The following BMPR1A variants were observed in gnomAD, a reference collection of about 807,000 sequenced individuals.
BMPR1A encodes the protein bone morphogenetic protein receptor type 1A, also known as bone morphogenetic protein receptor type-1A.
In BMPR1A, 7 loss-of-function variants were observed where a neutral mutation model predicts 66.0. That is an observed-to-expected ratio of 0.11 (90% CI 0.06 to 0.20). BMPR1A has a LOEUF of 0.20. Ranked by LOEUF, BMPR1A falls within the 10% of genes least tolerant of loss-of-function variation. BMPR1A has a pLI of 1.00. For synonymous variants in BMPR1A, 200 were observed against 229.7 expected, an observed-to-expected ratio of 0.87 and a Z score of 1.17; for missense variants, 408 against 669.1, an observed-to-expected ratio of 0.61 and a Z score of 4.31.
chr10:86,846,526 C>T lies in BMPR1A; in HGVS notation c.-153+7547C>T, dbSNP rs187341908. Among the ~76,000 whole-genome samples the T allele has an allele frequency of 7.8e-3, 1,182 of 152,220 alleles. 8 individuals carry two copies. The highest frequency in any genetic ancestry group is 0.011 in the Non-Finnish European group (778 of 68,016). On this transcript the variant is annotated intron_variant, in intron 2 of 12. Transcript: ENST00000372037. ...CTCCAGGCTTCTGGTCTCTTATTTCCTTTTTGGACCCTTTTAATACAAAAA... is the reference window on the plus strand; with the variant it reads ...CTCCAGGCTTCTGGTCTCTTATTTCTTTTTTGGACCCTTTTAATACAAAAA...
At chr10:86,799,506 C>CTTCCTTCCTTCCTTCCT (rs1354339570) in intron 1 of BMPR1A, among the ~76,000 whole-genome samples, 2 of 64,478 alleles carry the variant, frequency 3.1e-5, no homozygotes, top group African/African-American at 8.4e-5. Context: ...TCCTTCCTTC[C>CTTCCTTCCTTCCTTCCT]TTTCTTTTCT....
chr10:86,846,190 G>A (rs1427182455), intron 2 of BMPR1A, among the ~76,000 whole-genome samples: 1 of 152,142 alleles, frequency 6.6e-6, no homozygotes, highest in Non-Finnish European at 1.5e-5. Context: ...CGCATCTGGA[G>A]TGTTGGTTCT....
At position 86,910,858 on chromosome 10, in the gene BMPR1A, C is replaced by G. The variant is rs371539308; in HGVS notation, c.531-1382C>G. Among the ~76,000 whole-genome samples, 9 of 152,168 alleles carry G rather than the reference C, an allele frequency of 5.9e-5. No individual in the cohort carries two copies. The East Asian group carries it at 1.2e-3, about 20-fold the overall frequency. ...CAGTGGGTCACACCTGTAATCTCAG[C>G]AGTTTGGGAGGCCAAAGCAGGAGGA... On this transcript the variant is annotated intron_variant, in intron 7 of 12. Coordinates refer to ENST00000372037, the MANE Select transcript of BMPR1A (RefSeq NM_004329.3).
chr10:86,813,626 A>G (rs1008670752), intron 1 of BMPR1A, among the ~76,000 whole-genome samples: 2 of 152,200 alleles, frequency 1.3e-5, no homozygotes, highest in African/African-American at 4.8e-5. Flanking sequence ...AGTTAAAACC[A>G]TTCTTTGCAT....
At chr10:86,854,491 A>T (rs182283048) in intron 2 of BMPR1A, among the ~76,000 whole-genome samples, 24 of 152,358 alleles carry the variant, frequency 1.6e-4, no homozygotes, top group Non-Finnish European at 2.9e-4. Flanking sequence ...AAAGACAGGC[A>T]TAAGAAATTA....
intron 2 of BMPR1A, among the ~76,000 whole-genome samples, chr10:86,845,216 A>G (rs1324435036): frequency 6.6e-6 from 1 of 152,230 alleles, no homozygotes; most frequent in Non-Finnish European, 1.5e-5. Context: ...AGCAGAAGTG[A>G]GAGAATGGGA....
At chr10:86,819,833 T>C (rs1373319473) in intron 1 of BMPR1A, among the ~76,000 whole-genome samples, 3 of 152,176 alleles carry the variant, frequency 2.0e-5, no homozygotes, top group Non-Finnish European at 4.4e-5. Flanking sequence ...ATGTTAACTG[T>C]GAATAATAAA....
At chr10:86,813,525 T>G (rs900417911) in intron 1 of BMPR1A, among the ~76,000 whole-genome samples, 6 of 152,242 alleles carry the variant, frequency 3.9e-5, no homozygotes, top group African/African-American at 1.4e-4. Flanking sequence ...TGTGGTAGAA[T>G]ATTTGATAAT....
Position 86,860,910 on chromosome 10 carries a change from C to T in BMPR1A, c.-152-14957C>T, listed in dbSNP as rs1250077854. ...AGGCTGGAGTGCAGTGGCATGATCT[C>T]GGCTCACTGCAAGCTCCACCTCCCG... On this transcript the variant is annotated intron_variant, in intron 2 of 12. Transcript: ENST00000372037. 5.5e-5 allele frequency among the ~76,000 whole-genome samples: 8 copies of T among 146,676 alleles called. No individual in the cohort carries two copies. The East Asian group carries it at 6.2e-4, about 11-fold the overall frequency.
chr10:86,794,844 A>T (rs1383498406), intron 1 of BMPR1A, among the ~76,000 whole-genome samples: 1 of 150,538 alleles, frequency 6.6e-6, no homozygotes, highest in Non-Finnish European at 1.5e-5. Flanking sequence ...AGATATATAG[A>T]TATAGATATA....
At chr10:86,855,336 A>G (rs540703489) in intron 2 of BMPR1A, 5 of 888,636 alleles carry the variant, frequency 5.6e-6, no homozygotes, top group East Asian at 2.8e-5. Flanking sequence ...GTAAGTTTCT[A>G]TTTGCCACTT....
At chr10:86,853,498 G>T (rs1272426747) in intron 2 of BMPR1A, among the ~76,000 whole-genome samples, 1 of 152,164 alleles carries the variant, frequency 6.6e-6, no homozygotes, top group Non-Finnish European at 1.5e-5. Context: ...AAGGCACAAT[G>T]ACTAAAGAAA....
intron 1 of BMPR1A, among the ~76,000 whole-genome samples, chr10:86,831,822 T>C (rs1342555514): frequency 6.6e-6 from 1 of 152,200 alleles, no homozygotes; most frequent in Non-Finnish European, 1.5e-5. Context: ...GGTGCATAGC[T>C]CATTTTACCT....
intron 7 of BMPR1A, among the ~76,000 whole-genome samples, chr10:86,909,599 G>GAAAAAAAAAAAAAAAAAAA (rs1217186207): frequency 7.4e-6 from 1 of 135,048 alleles, no homozygotes; most frequent in African/African-American, 3.2e-5. Context: ...AAAAAAAAAA[G>GAAAAAAAAAAAAAAAAAAA]AAAAAAAAGA....
At chr10:86,885,730 A>G (rs909448929) in intron 3 of BMPR1A, among the ~76,000 whole-genome samples, 5 of 152,166 alleles carry the variant, frequency 3.3e-5, no homozygotes, top group African/African-American at 1.2e-4. Context: ...ATTATCTCAT[A>G]TGTATAGTGC....
intron 5 of BMPR1A, among the ~76,000 whole-genome samples, chr10:86,898,839 C>A (rs998298253): frequency 6.6e-6 from 1 of 152,108 alleles, no homozygotes; most frequent in African/African-American, 2.4e-5. Context: ...TTCAGACTCT[C>A]CAGTTTAACC....
intron 3 of BMPR1A, among the ~76,000 whole-genome samples, chr10:86,886,408 C>T (rs1843067264): frequency 6.6e-6 from 1 of 152,226 alleles, no homozygotes; most frequent in Admixed American, 6.5e-5. Context: ...CAGTTGGAGA[C>T]TTCTTACCTT....
Position 86,812,185 on chromosome 10 carries a change from C to T in BMPR1A, c.-267-26680C>T, listed in dbSNP as rs138217419. Among the ~76,000 whole-genome samples the T allele has an allele frequency of 1.2e-3, 183 of 152,294 alleles. 1 individual carries two copies. Among genetic ancestry groups the T allele is most frequent in the African/African-American group, 4.3e-3 (177 of 41,566 alleles). On this transcript the variant is annotated intron_variant, in intron 1 of 12. Transcript: ENST00000372037. ...AGCAGTTCAGTCACCGGAAAACCTC[C>T]TGCTATCCCTTTGCAGTCACACCCC...
At chr10:86,900,246 G>T in intron 7 of BMPR1A, 120 bp downstream of exon 7, 1 of 929,674 alleles carries the variant, frequency 1.1e-6, no homozygotes, top group Non-Finnish European at 1.7e-6. Context: ...TCTCCTTTAT[G>T]TAACTAGACT....
Sources: gnomAD v4.1 joint callset for allele counts (sites outside exome capture counted in the v4.1 genomes callset) on GRCh38, gnomAD v4.1.1 for gene constraint, MANE v1.5 for transcripts, NCBI Gene and HGNC (gene_info 2026-07-23, HGNC 2026-07-21) for gene names.